PDS5B: variants seen among roughly 807,000 people sequenced by gnomAD.
The protein encoded by PDS5B is PDS5 cohesin associated factor B.
PDS5B carries 51 observed loss-of-function variants against 184.1 expected under a neutral mutation model. The observed-to-expected ratio is 0.28, with a 90% CI of 0.22 to 0.35. The LOEUF is 0.35. PDS5B is among the 10% of genes least tolerant of loss of function. The pLI is 1.00. For synonymous variants in PDS5B, 566 were observed against 569.2 expected, an observed-to-expected ratio of 0.99 and a Z score of 0.08; for missense variants, 1,180 against 1,723.3, an observed-to-expected ratio of 0.68 and a Z score of 5.58.
At position 32,683,983 on chromosome 13, in the gene PDS5B, A is replaced by G. The variant is rs767862907; in HGVS notation, c.1163A>G (p.His388Arg). ...AKKDILLVND[H>R]LLNFVRERTL... ...AAGGATATTCTTCTGGTCAATGATC[A>G]CTTACTTAATTTTGTGAGAGAGAGA... The change falls in exon 11 of 35, where the codon CAC (histidine) becomes CGC (arginine). Residue 388 changes from histidine (H) to arginine (R), a missense_variant. Physicochemically the swap from His to Arg is conservative, Grantham distance 29. Coordinates refer to ENST00000315596, the MANE Select transcript of PDS5B (RefSeq NM_015032.4). 2.5e-6 allele frequency: 4 copies of G among 1,581,916 alleles called. No homozygotes were observed. The South Asian group carries it at 4.5e-5, about 18-fold the overall frequency.
At position 32,696,840 on chromosome 13, in the gene PDS5B, T is replaced by C; in HGVS notation, c.1552-14T>C. 6.3e-7 allele frequency: 1 copy of C among 1,586,652 alleles called. No individual in the cohort carries two copies. Among genetic ancestry groups the C allele is most frequent in the Non-Finnish European group, 8.6e-7 (1 of 1,161,318 alleles). On this transcript the variant is annotated splice_polypyrimidine_tract_variant and intron_variant, in intron 14 of 34. Coordinates refer to ENST00000315596, the MANE Select transcript of PDS5B (RefSeq NM_015032.4). ...AGGGAATTTTAATTTTGCATTTTTT[T>C]GTGTGATTTACAGACAGATGCCAGT... is the stretch of plus-strand genomic sequence containing the variant.
intron 19 of PDS5B, among the ~76,000 whole-genome samples, chr13:32,721,404 A>T (rs924789404): frequency 4.0e-5 from 6 of 151,848 alleles, no homozygotes; most frequent in African/African-American, 1.2e-4. Context: ...CTCACTTCCC[A>T]GACGGAGCGG....
At chr13:32,596,544 CAT>C (rs911854382) in intron 1 of PDS5B, among the ~76,000 whole-genome samples, 1 of 152,178 alleles carries the variant, frequency 6.6e-6, no homozygotes, top group African/African-American at 2.4e-5. Flanking sequence ...GGTTTGTAGG[CAT>C]ATGTGTGTTT....
At chr13:32,761,027 A>G (rs1279282605) in intron 30 of PDS5B, among the ~76,000 whole-genome samples, 1 of 152,222 alleles carries the variant, frequency 6.6e-6, no homozygotes, top group Non-Finnish European at 1.5e-5. Flanking sequence ...GATACAATGG[A>G]ATACATAGTC....
chr13:32,607,071 A>C (rs2140498230), intron 1 of PDS5B, among the ~76,000 whole-genome samples: 1 of 152,340 alleles, frequency 6.6e-6, no homozygotes, highest in African/African-American at 2.4e-5. Context: ...TGTCACAGTC[A>C]TTCTCCGTCC....
At chr13:32,724,946 T>C (rs1375986249) in intron 19 of PDS5B, among the ~76,000 whole-genome samples, 2 of 152,218 alleles carry the variant, frequency 1.3e-5, no homozygotes, top group Admixed American at 1.3e-4. Context: ...GGTTCAACTT[T>C]TTTATTTTTA....
chr13:32,620,600 T>C (rs1004969889), intron 1 of PDS5B, among the ~76,000 whole-genome samples: 9 of 145,762 alleles, frequency 6.2e-5, no homozygotes, highest in Non-Finnish European at 1.2e-4. Flanking sequence ...GAGCTTACAG[T>C]GAGCCGAGAT....
In PDS5B at chr13:32,652,048, TTGA is replaced by T. The variant is rs767829266; in HGVS notation, c.312+43_312+45del. On this transcript the variant is annotated intron_variant, in intron 3 of 34. Coordinates refer to ENST00000315596, the MANE Select transcript of PDS5B (RefSeq NM_015032.4). Reference sequence around the variant, plus strand: ...AATAACTCCAAGATTGACCGATACTTTGATTTATCTTTCTAACTAAAATGGGAG... The same window carrying T: ...AATAACTCCAAGATTGACCGATACTTTTTATCTTTCTAACTAAAATGGGAG... 4.5e-5 allele frequency: 60 copies of T among 1,323,892 alleles called. No homozygotes were observed. In the Middle Eastern group the frequency reaches 1.5e-3, roughly 32 times the overall value. The allele number at this position is 1,323,892 out of a possible 1,614,324, so 82.0% of individuals were successfully genotyped here.
At chr13:32,639,130 A>G (rs968379265) in intron 1 of PDS5B, among the ~76,000 whole-genome samples, 4 of 151,140 alleles carry the variant, frequency 2.6e-5, no homozygotes, top group African/African-American at 9.8e-5. Flanking sequence ...CACTATTAAT[A>G]TACAAGAATT....
intron 1 of PDS5B, among the ~76,000 whole-genome samples, chr13:32,608,352 G>A (rs115028727): frequency 2.6e-5 from 4 of 152,160 alleles, no homozygotes; most frequent in South Asian, 4.1e-4. Context: ...GAGGAGACAG[G>A]TGGACATATT....
At chr13:32,612,069 C>T (rs1290423313) in intron 1 of PDS5B, among the ~76,000 whole-genome samples, 3 of 150,388 alleles carry the variant, frequency 2.0e-5, no homozygotes, top group African/African-American at 4.9e-5. Context: ...TTTTCCTTCA[C>T]GTAGGCCATC....
At chr13:32,739,186 T>G (rs982634260) in intron 21 of PDS5B, among the ~76,000 whole-genome samples, 1 of 151,972 alleles carries the variant, frequency 6.6e-6, no homozygotes, top group African/African-American at 2.4e-5. Flanking sequence ...TTGTATGCTG[T>G]GATATAAGGA....
intron 19 of PDS5B, among the ~76,000 whole-genome samples, chr13:32,712,974 GA>G (rs1324413191): frequency 6.6e-6 from 1 of 152,186 alleles, no homozygotes; most frequent in Non-Finnish European, 1.5e-5. Flanking sequence ...TGAGTTATAT[GA>G]GTTCCATTGT....
chr13:32,770,658 G>T lies in PDS5B; in HGVS notation c.4069G>T (p.Glu1357Ter). 6.2e-7 allele frequency: 1 copy of T among 1,609,422 alleles called. No individual in the cohort carries two copies. The highest frequency in any genetic ancestry group is 8.5e-7 in the Non-Finnish European group (1 of 1,178,278). ...TTTGGGTCTTCCCCAAAGCAGAGCA[G>T]AATCTCCTGAATCTAGTGCAATTGA... ...RVSRRAQQRA[E>*]SPESSAIEST... The change falls in exon 33 of 35, where the codon GAA becomes TAA. Residue 1357 changes from glutamate to a stop codon, truncating the protein, a stop_gained. Transcript: ENST00000315596. LOFTEE classifies it high-confidence loss of function.
intron 20 of PDS5B, among the ~76,000 whole-genome samples, chr13:32,733,951 A>C (rs1229871959): frequency 6.7e-6 from 1 of 148,936 alleles, no homozygotes; most frequent in Non-Finnish European, 1.5e-5. Flanking sequence ...TGCCAATGGC[A>C]TATTTTAGTC....
intron 1 of PDS5B, among the ~76,000 whole-genome samples, chr13:32,606,386 A>C (rs537162897): frequency 1.9e-4 from 29 of 152,262 alleles, no homozygotes; most frequent in African/African-American, 6.3e-4. Flanking sequence ...AGAATGTTGA[A>C]TATTGGCCCC....
chr13:32,711,649 C>T (rs896923406), intron 19 of PDS5B, among the ~76,000 whole-genome samples: 15 of 152,114 alleles, frequency 9.9e-5, no homozygotes, highest in South Asian at 2.1e-4. Context: ...TGAACCACCG[C>T]GCCTGGCCTT....
At chr13:32,734,011 C>CACACACACACACACACACACAA (rs1341139943) in intron 20 of PDS5B, among the ~76,000 whole-genome samples, 1 of 151,374 alleles carries the variant, frequency 6.6e-6, no homozygotes, top group African/African-American at 2.4e-5. Context: ...CACACACACA[C>CACACACACACACACACACACAA]ACAAACATAT....
intron 31 of PDS5B, among the ~76,000 whole-genome samples, chr13:32,768,140 G>A (rs1954643358): frequency 6.6e-6 from 1 of 152,126 alleles, no homozygotes; most frequent in East Asian, 1.9e-4. Context: ...CCACAGACTG[G>A]GTAGCTTAAA....
Sources: allele counts gnomAD v4.1 joint callset (sites outside exome capture counted in the v4.1 genomes callset), GRCh38; gene constraint gnomAD v4.1.1; transcripts MANE v1.5; gene names NCBI Gene and HGNC (gene_info 2026-07-23, HGNC 2026-07-21).